Variants in PRKAR2A observed in about 807,000 individuals in gnomAD.
PRKAR2A encodes protein kinase cAMP-dependent type II regulatory subunit alpha.
In PRKAR2A, 29 loss-of-function variants were observed where a neutral mutation model predicts 51.9. The ratio of observed to expected loss-of-function variants is 0.56; its 90% CI spans 0.42 to 0.76. The LOEUF (loss-of-function observed/expected upper bound fraction) is 0.76. Ranked by LOEUF, PRKAR2A falls within the 30% of genes least tolerant of loss-of-function variation. The pLI, the probability that PRKAR2A is intolerant of heterozygous loss-of-function variation, is 0.00. For synonymous variants in PRKAR2A, 178 were observed against 186.2 expected, an observed-to-expected ratio of 0.96 and a Z score of 0.36; for missense variants, 445 against 512.1, an observed-to-expected ratio of 0.87 and a Z score of 1.26.
At position 48,807,731 on chromosome 3, in the gene PRKAR2A, C is replaced by T. The variant is rs764477707; in HGVS notation, c.263-47G>A. ...TTTAGTCATTATTATGTCACCAGGC[C>T]GCATTTTTATCCTCCCTTTTTGCAA... On this transcript the variant is annotated intron_variant, in intron 1 of 10. Coordinates refer to ENST00000265563, the MANE Select transcript of PRKAR2A (RefSeq NM_004157.4). 62 of 1,538,178 alleles carry T rather than the reference C, an allele frequency of 4.0e-5. No individual in the cohort carries two copies. In the Middle Eastern group the frequency reaches 1.7e-3, roughly 42 times the overall value.
chr3:48,756,495 A>G (rs1455632795), intron 8 of PRKAR2A, 51 bp from the exon 9 acceptor site: 1 of 1,364,658 alleles, frequency 7.3e-7, no homozygotes, highest in African/African-American at 1.4e-5. Context: ...TTGAAGGGGA[A>G]TAAAGAAATA....
chr3:48,842,042 T>C (rs1399937322), intron 1 of PRKAR2A, among the ~76,000 whole-genome samples: 1 of 152,182 alleles, frequency 6.6e-6, no homozygotes, highest in Non-Finnish European at 1.5e-5. Flanking sequence ...TTCCTATCCA[T>C]GAGCATGGAA....
intron 8 of PRKAR2A, among the ~76,000 whole-genome samples, chr3:48,762,896 C>T (rs1286951273): frequency 6.6e-6 from 1 of 152,208 alleles, no homozygotes; most frequent in South Asian, 2.1e-4. Context: ...AGAGACTATA[C>T]ATTACATGAT....
chr3:48,815,880 G>A (rs568983806), intron 1 of PRKAR2A, among the ~76,000 whole-genome samples: 1 of 151,460 alleles, frequency 6.6e-6, no homozygotes, highest in Non-Finnish European at 1.5e-5. Flanking sequence ...TTAGCTGGGC[G>A]TGGTGGCACG....
chr3:48,800,488 A>T (rs1398068907), intron 2 of PRKAR2A, among the ~76,000 whole-genome samples: 7 of 149,820 alleles, frequency 4.7e-5, no homozygotes, highest in Non-Finnish European at 7.4e-5. Flanking sequence ...CTCCAGCCTG[A>T]GTAACAGAGC....
chr3:48,809,607 A>C lies in PRKAR2A; in HGVS notation c.263-1923T>G, dbSNP rs947731688. 4.7e-5 allele frequency among the ~76,000 whole-genome samples: 7 copies of C among 150,466 alleles called. No homozygotes were observed. In the East Asian group the frequency reaches 5.8e-4, roughly 12 times the overall value. ...CAAGACTCCATCTCAAAAAAAAAAA[A>C]AAAAAAAAAAAAAAAACTATATAGT... On this transcript the variant is annotated intron_variant, in intron 1 of 10. Transcript: ENST00000265563.
At chr3:48,760,856 T>A (rs74440595) in intron 8 of PRKAR2A, among the ~76,000 whole-genome samples, 1 of 148,068 alleles carries the variant, frequency 6.8e-6, no homozygotes. Flanking sequence ...AAAAAAAAAT[T>A]AGCTTAGTGT....
intron 1 of PRKAR2A, among the ~76,000 whole-genome samples, chr3:48,845,649 T>C (rs1232699703): frequency 1.3e-5 from 2 of 152,324 alleles, no homozygotes; most frequent in South Asian, 2.1e-4. Context: ...AGATCAGATG[T>C]AGAAAGTGTT....
chr3:48,787,163 T>C (rs2107301390), intron 4 of PRKAR2A, among the ~76,000 whole-genome samples: 2 of 150,934 alleles, frequency 1.3e-5, no homozygotes, highest in African/African-American at 4.9e-5. Context: ...ATTATTTATT[T>C]ATTTATTTAT....
intron 1 of PRKAR2A, among the ~76,000 whole-genome samples, chr3:48,830,011 A>G (rs771714880): frequency 1.1e-4 from 17 of 150,262 alleles, no homozygotes; most frequent in Non-Finnish European, 2.4e-4. Context: ...CAGCCTGGCT[A>G]ACATGGAGAA....
chr3:48,844,573 A>G (rs1180903254), intron 1 of PRKAR2A, among the ~76,000 whole-genome samples: 1 of 150,730 alleles, frequency 6.6e-6, no homozygotes, highest in African/African-American at 2.4e-5. Context: ...AATAGCAAAG[A>G]CTTGGAACCA....
In PRKAR2A at chr3:48,777,170, T is replaced by C. The variant is rs181297871; in HGVS notation, c.543-4062A>G. ...TAAATCCCAAGACAGTCATCTCGCC[T>C]GCTATCTGAAGTCATTTTTGGATCT... On this transcript the variant is annotated intron_variant, in intron 5 of 10. Transcript: ENST00000265563. Among the ~76,000 whole-genome samples, 37 of 152,266 alleles carry C rather than the reference T, an allele frequency of 2.4e-4. 1 individual carries two copies. In the East Asian group the frequency reaches 5.4e-3, roughly 22 times the overall value.
chr3:48,830,450 A>C (rs1220743733), intron 1 of PRKAR2A, among the ~76,000 whole-genome samples: 2 of 152,140 alleles, frequency 1.3e-5, no homozygotes, highest in African/African-American at 4.8e-5. Context: ...TTTACAATTA[A>C]CTTTTTTTAG....
At chr3:48,829,317 G>A (rs1436499431) in intron 1 of PRKAR2A, among the ~76,000 whole-genome samples, 10 of 151,210 alleles carry the variant, frequency 6.6e-5, no homozygotes, top group South Asian at 2.1e-4. Context: ...TCAGGAGTTC[G>A]AGGCCAGCCT....
chr3:48,806,258 A>G (rs75413634), intron 2 of PRKAR2A, among the ~76,000 whole-genome samples: 4 of 152,348 alleles, frequency 2.6e-5, no homozygotes, highest in Non-Finnish European at 5.9e-5. Flanking sequence ...TAGCCCTATA[A>G]TAGGCCAGAT....
chr3:48,765,257 T>C lies in PRKAR2A; in HGVS notation c.789A>G (p.Lys263=), dbSNP rs780269468. The change falls in exon 7 of 11, where the codon AAA becomes AAG. Residue 263 remains lysine, a synonymous_variant. Coordinates refer to ENST00000265563, the MANE Select transcript of PRKAR2A (RefSeq NM_004157.4). The stretch of plus-strand genomic sequence containing the variant: ...ATTCAAGCCACTTTACCTCTAGTGA[T>C]TTAAGGAGGGGCACAGACTCAATAA... ...ESFIESVPLL[K]SLEVSERMKI... is the part of the protein sequence containing the mutation. The C allele has an allele frequency of 5.0e-6, 8 of 1,607,790 alleles. No individual in the cohort carries two copies. The highest frequency in any genetic ancestry group is 6.0e-6 in the Non-Finnish European group (7 of 1,175,736).
At chr3:48,769,368 A>G (rs1281970157) in intron 6 of PRKAR2A, among the ~76,000 whole-genome samples, 2 of 151,844 alleles carry the variant, frequency 1.3e-5, no homozygotes, top group Non-Finnish European at 2.9e-5. Context: ...CGTGTTAGCC[A>G]GGATGGTCTC....
At chr3:48,835,206 A>C (rs1297945348) in intron 1 of PRKAR2A, among the ~76,000 whole-genome samples, 1 of 151,804 alleles carries the variant, frequency 6.6e-6, no homozygotes, top group Non-Finnish European at 1.5e-5. Flanking sequence ...CCTGATCTCA[A>C]GTGATCTGCC....
At chr3:48,806,665 C>T (rs2082679367) in intron 2 of PRKAR2A, among the ~76,000 whole-genome samples, 1 of 151,862 alleles carries the variant, frequency 6.6e-6, no homozygotes, top group Non-Finnish European at 1.5e-5. Flanking sequence ...AGAAAGTTTA[C>T]CCAAACTTAT....
Sources: gnomAD v4.1 joint callset for allele counts (sites outside exome capture counted in the v4.1 genomes callset) on GRCh38, gnomAD v4.1.1 for gene constraint, MANE v1.5 for transcripts, NCBI Gene and HGNC (gene_info 2026-07-23, HGNC 2026-07-21) for gene names.